The following NUP93 variants were observed in gnomAD, a reference collection of about 807,000 sequenced individuals.
NUP93 encodes nucleoporin 93.
Under a neutral mutation model 107.8 loss-of-function variants are expected in NUP93, and 55 were observed. The ratio of observed to expected loss-of-function variants is 0.51; its 90% CI spans 0.41 to 0.64. NUP93 has a LOEUF of 0.64. Ranked by LOEUF, NUP93 falls within the 30% of genes least tolerant of loss-of-function variation. The pLI, the probability that NUP93 is intolerant of heterozygous loss-of-function variation, is 0.00. For synonymous variants in NUP93, 390 were observed against 397.5 expected (o/e 0.98, Z 0.22); for missense variants, 937 against 1,044.7 (o/e 0.90, Z 1.42).
chr16:56,835,674 C>T (rs1172350625), intron 16 of NUP93, among the ~76,000 whole-genome samples: 1 of 152,220 alleles, frequency 6.6e-6, no homozygotes, highest in Non-Finnish European at 1.5e-5. Context: ...CCACCTTGAC[C>T]TGGTCTAGCC....
At chr16:56,753,482 T>C (rs1292700735) in intron 2 of NUP93, among the ~76,000 whole-genome samples, 5 of 152,312 alleles carry the variant, frequency 3.3e-5, no homozygotes, top group African/African-American at 1.2e-4. Context: ...CTACTTTGAG[T>C]GTAGTCAATG....
At chr16:56,777,627 A>G (rs767655985) in intron 3 of NUP93, among the ~76,000 whole-genome samples, 4 of 152,238 alleles carry the variant, frequency 2.6e-5, no homozygotes, top group African/African-American at 4.8e-5. Flanking sequence ...AGGACAGATG[A>G]GCTGTGAATG....
intron 1 of NUP93, among the ~76,000 whole-genome samples, chr16:56,738,693 C>T (rs1433384293): frequency 2.0e-5 from 3 of 152,098 alleles, no homozygotes; most frequent in Non-Finnish European, 2.9e-5. Flanking sequence ...TTGTAATTGA[C>T]AGCTGACAGA....
intron 2 of NUP93, among the ~76,000 whole-genome samples, chr16:56,749,749 C>G (rs1961885503): frequency 6.6e-6 from 1 of 152,158 alleles, no homozygotes; most frequent in Non-Finnish European, 1.5e-5. Context: ...TTCTGTAGAC[C>G]TCCCCAAAAT....
At chr16:56,766,461 T>C (rs1198257297) in intron 3 of NUP93, among the ~76,000 whole-genome samples, 1 of 152,222 alleles carries the variant, frequency 6.6e-6, no homozygotes, top group Non-Finnish European at 1.5e-5. Context: ...CTGGCATCTA[T>C]AAATTGCTCG....
chr16:56,769,970 C>CT (rs1472911875), intron 3 of NUP93, among the ~76,000 whole-genome samples: 2 of 152,184 alleles, frequency 1.3e-5, no homozygotes, highest in Non-Finnish European at 1.5e-5. Context: ...AAGCCCTCAA[C>CT]TTTGTGTGTA....
At chr16:56,819,167 T>C (rs1963494624) in intron 6 of NUP93, among the ~76,000 whole-genome samples, 1 of 152,242 alleles carries the variant, frequency 6.6e-6, no homozygotes, top group Non-Finnish European at 1.5e-5. Flanking sequence ...TATTCACTAC[T>C]TAATACCACT....
intron 7 of NUP93, among the ~76,000 whole-genome samples, chr16:56,823,217 GGTGGCCCCTGGAGC>G (rs1203570213): frequency 6.6e-6 from 1 of 152,146 alleles, no homozygotes; most frequent in Non-Finnish European, 1.5e-5. Flanking sequence ...ACGTAAGAGC[GGTGGCCCCTGGAGC>G]GTCTCTGGGA....
intron 3 of NUP93, 102 bp from the exon 4 acceptor site, chr16:56,798,374 G>A: frequency 1.1e-6 from 1 of 912,406 alleles, no homozygotes; most frequent in Non-Finnish European, 1.8e-6. Flanking sequence ...GTGAGGTGTA[G>A]GTAGCATAGT....
At chr16:56,797,423 C>G (rs1233995969) in intron 3 of NUP93, among the ~76,000 whole-genome samples, 1 of 152,188 alleles carries the variant, frequency 6.6e-6, no homozygotes, top group East Asian at 1.9e-4. Flanking sequence ...CTCAGCCCCC[C>G]ACCAGCCCAA....
In NUP93 at chr16:56,821,585, GAT is replaced by G. The variant is rs771082335; in HGVS notation, c.647_648del (p.Asp216GlyfsTer2). ...CCTTTGTGCTTCCGTCGCAGAGCTC[GAT>G]GATAAGGTAGCACCTAGAGCTAACT... ...VDLCASVAEL[D>X]DKSISDMWTM... is the part of the protein sequence containing the mutation. On this transcript the variant is annotated frameshift_variant, in exon 7 of 22. Transcript: ENST00000308159. LOFTEE classifies it high-confidence loss of function. The G allele has an allele frequency of 6.2e-7, 1 of 1,609,718 alleles. No homozygotes were observed. The highest frequency in any genetic ancestry group is 1.3e-5 in the African/African-American group (1 of 74,800).
At chr16:56,808,400 A>G (rs1963212059) in intron 5 of NUP93, among the ~76,000 whole-genome samples, 1 of 21,570 alleles carries the variant, frequency 4.6e-5, no homozygotes, top group African/African-American at 3.0e-4. Flanking sequence ...ATGTAACTAT[A>G]TAAAATATAT....
intron 21 of NUP93, among the ~76,000 whole-genome samples, chr16:56,843,457 G>A (rs1217232148): frequency 6.6e-6 from 1 of 152,098 alleles, no homozygotes; most frequent in Non-Finnish European, 1.5e-5. Flanking sequence ...TTTCTGAAAG[G>A]TAGGGAGGGA....
At chr16:56,767,882 G>C (rs1962242627) in intron 3 of NUP93, among the ~76,000 whole-genome samples, 1 of 152,150 alleles carries the variant, frequency 6.6e-6, no homozygotes, top group African/African-American at 2.4e-5. Context: ...ATATAGTGGT[G>C]GGTGTTGTTC....
At chr16:56,794,011 C>T (rs1262139212) in intron 3 of NUP93, among the ~76,000 whole-genome samples, 2 of 151,896 alleles carry the variant, frequency 1.3e-5, no homozygotes, top group Admixed American at 6.6e-5. Flanking sequence ...GCCGAGATCA[C>T]GCCACTGCAC....
At chr16:56,760,259 C>T (rs916881211) in intron 3 of NUP93, among the ~76,000 whole-genome samples, 5 of 152,150 alleles carry the variant, frequency 3.3e-5, no homozygotes, top group Admixed American at 6.5e-5. Context: ...CAGGCACAGT[C>T]GCTCATGCCT....
chr16:56,759,474 G>A (rs994518891), intron 3 of NUP93, among the ~76,000 whole-genome samples: 16 of 152,040 alleles, frequency 1.1e-4, no homozygotes, highest in African/African-American at 3.9e-4. Context: ...CCATCTAATG[G>A]CCACATTTCT....
At chr16:56,823,932 G>C (rs1963604263) in intron 8 of NUP93, 86 bp downstream of exon 8, 3 of 1,477,880 alleles carry the variant, frequency 2.0e-6, no homozygotes, top group Non-Finnish European at 2.8e-6. Context: ...CTCAGGCTAG[G>C]TGTGCTGTAG....
At chr16:56,770,929 C>T (rs1250246815) in intron 3 of NUP93, among the ~76,000 whole-genome samples, 3 of 151,872 alleles carry the variant, frequency 2.0e-5, no homozygotes, top group South Asian at 2.1e-4. Context: ...GAAAAAAACA[C>T]GTGACCCTCA....
Sources: allele counts gnomAD v4.1 joint callset (sites outside exome capture counted in the v4.1 genomes callset), GRCh38; gene constraint gnomAD v4.1.1; transcripts MANE v1.5; gene names NCBI Gene and HGNC (gene_info 2026-07-23, HGNC 2026-07-21).